ACYP2: variants seen among roughly 807,000 people sequenced by gnomAD.
ACYP2 encodes the protein acylphosphatase-2.
In ACYP2, 12 loss-of-function variants were observed where a neutral mutation model predicts 11.2. The ratio of observed to expected loss-of-function variants is 1.08; its 90% CI spans 0.69 to 1.74. The LOEUF is 1.74. ACYP2 is among the 40% of genes most tolerant of loss of function. The pLI, the probability that ACYP2 is intolerant of heterozygous loss-of-function variation, is 0.00. For synonymous variants in ACYP2, 43 were observed against 32.2 expected, an observed-to-expected ratio of 1.33 and a Z score of -1.13; for missense variants, 134 against 101.9, an observed-to-expected ratio of 1.31 and a Z score of -1.35.
chr2:54,298,313 G>A (rs558099681), intron 6 of ACYP2, among the ~76,000 whole-genome samples: 1 of 150,118 alleles, frequency 6.7e-6, no homozygotes, highest in African/African-American at 2.5e-5. Context: ...TTCATATAAG[G>A]CAATCACATA....
chr2:54,097,450 A>C (rs1231678968), intron 4 of ACYP2, among the ~76,000 whole-genome samples: 1 of 152,244 alleles, frequency 6.6e-6, no homozygotes, highest in Admixed American at 6.5e-5. Flanking sequence ...CTGTTCCCCA[A>C]ATCCTATCCC....
intron 6 of ACYP2, among the ~76,000 whole-genome samples, chr2:54,241,772 G>A (rs1166056360): frequency 6.6e-6 from 1 of 152,182 alleles, no homozygotes; most frequent in Non-Finnish European, 1.5e-5. Flanking sequence ...CAGCACTTTG[G>A]GAGGCCAAGG....
intron 4 of ACYP2, among the ~76,000 whole-genome samples, chr2:54,076,093 G>T (rs946661749): frequency 3.3e-5 from 5 of 152,170 alleles, no homozygotes; most frequent in Admixed American, 3.3e-4. Context: ...TTGTACACAA[G>T]TTGAACTCTC....
chr2:54,266,527 TATATAG>T (rs899375532), intron 6 of ACYP2, among the ~76,000 whole-genome samples: 11 of 144,322 alleles, frequency 7.6e-5, no homozygotes, highest in African/African-American at 2.3e-4. Flanking sequence ...GGTGCAGAAA[TATATAG>T]ATATAGATAT....
At chr2:54,166,584 G>A (rs1281284041) in intron 6 of ACYP2, among the ~76,000 whole-genome samples, 3 of 152,184 alleles carry the variant, frequency 2.0e-5, no homozygotes, top group Admixed American at 6.5e-5. Flanking sequence ...CACATCTCCA[G>A]TTTGGCTGAC....
intron 6 of ACYP2, among the ~76,000 whole-genome samples, chr2:54,231,424 A>C (rs1343821704): frequency 6.6e-6 from 1 of 152,210 alleles, no homozygotes; most frequent in Non-Finnish European, 1.5e-5. Context: ...AACATAAATT[A>C]TCTAAATTCA....
chr2:54,155,758 G>A (rs1682401649), intron 6 of ACYP2, among the ~76,000 whole-genome samples: 1 of 152,174 alleles, frequency 6.6e-6, no homozygotes, highest in Non-Finnish European at 1.5e-5. Context: ...GTTTTGGTAT[G>A]TGTTGTGTTT....
chr2:54,016,387 G>C (rs1048396300), intron 2 of ACYP2, among the ~76,000 whole-genome samples: 3 of 151,554 alleles, frequency 2.0e-5, no homozygotes, highest in East Asian at 1.9e-4. Flanking sequence ...GAAGAGGCTT[G>C]CTAATTTATA....
intron 2 of ACYP2, among the ~76,000 whole-genome samples, chr2:54,018,830 G>A (rs374880473): frequency 3.3e-5 from 5 of 151,772 alleles, no homozygotes; most frequent in Admixed American, 6.6e-5. Context: ...TCACTACAAC[G>A]TCCGCCTCCC....
intron 6 of ACYP2, among the ~76,000 whole-genome samples, chr2:54,227,076 A>C (rs1159349088): frequency 2.0e-5 from 3 of 152,176 alleles, no homozygotes; most frequent in Non-Finnish European, 4.4e-5. Flanking sequence ...ACAAATACTG[A>C]ATGTGAGTAA....
At chr2:54,095,759 C>T (rs1678516122) in intron 4 of ACYP2, among the ~76,000 whole-genome samples, 1 of 134,062 alleles carries the variant, frequency 7.5e-6, no homozygotes, top group Non-Finnish European at 1.6e-5. Context: ...CCCTCACCTC[C>T]CGGACGGGGC....
intron 6 of ACYP2, among the ~76,000 whole-genome samples, chr2:54,163,532 A>T (rs923395907): frequency 1.3e-5 from 2 of 152,222 alleles, no homozygotes; most frequent in Admixed American, 6.5e-5. Context: ...CAGACAAAAT[A>T]ATTTCAGACA....
intron 6 of ACYP2, among the ~76,000 whole-genome samples, chr2:54,279,093 A>G (rs843715): frequency 0.38 from 57,486 of 152,208 alleles, 12,551 homozygotes; most frequent in Non-Finnish European, 0.49. Flanking sequence ...CCACAACAAA[A>G]GTATATTTAA....
At chr2:54,283,106 C>A (rs1257565519) in intron 6 of ACYP2, among the ~76,000 whole-genome samples, 1 of 152,132 alleles carries the variant, frequency 6.6e-6, no homozygotes, top group African/African-American at 2.4e-5. Flanking sequence ...ATTTATGACA[C>A]ATTTTGGGCT....
intron 4 of ACYP2, among the ~76,000 whole-genome samples, chr2:54,079,705 A>G (rs1677542371): frequency 6.6e-6 from 1 of 152,216 alleles, no homozygotes; most frequent in Admixed American, 6.5e-5. Flanking sequence ...ACAGATCCAG[A>G]TTTAGGTTCG....
intron 4 of ACYP2, among the ~76,000 whole-genome samples, chr2:54,110,342 T>G (rs930702013): frequency 6.6e-6 from 1 of 152,200 alleles, no homozygotes; most frequent in African/African-American, 2.4e-5. Context: ...ATAAGGCCTT[T>G]AAAGAATATA....
chr2:54,183,916 A>G (rs1683860108), intron 6 of ACYP2, among the ~76,000 whole-genome samples: 1 of 152,240 alleles, frequency 6.6e-6, no homozygotes, highest in Non-Finnish European at 1.5e-5. Context: ...CACTTGGAGC[A>G]TGTTATAGCT....
At chr2:54,096,486 G>A (rs1678590039) in intron 4 of ACYP2, among the ~76,000 whole-genome samples, 1 of 152,054 alleles carries the variant, frequency 6.6e-6, no homozygotes, top group Non-Finnish European at 1.5e-5. Flanking sequence ...GCAGGCGGCT[G>A]GGAGGTGGAG....
In ACYP2 at chr2:54,135,459, G is replaced by T. The variant is rs1160116891; in HGVS notation, c.284G>T (p.Cys95Phe). The T allele has an allele frequency of 6.2e-7, 1 of 1,607,492 alleles. No homozygotes were observed. The highest frequency in any genetic ancestry group is 8.5e-7 in the Non-Finnish European group (1 of 1,176,846). ...TTATCTTTCTTTTATACAGGTGTTT[G>T]CTTCAGAATGGTAAGTCAGTACAAT... Residue 95 changes from cysteine (C) to phenylalanine (F), a missense_variant, in exon 5 of 7, where the codon TGC (cysteine) becomes TTC (phenylalanine). Cys to Phe is a radical substitution (Grantham distance 205). Transcript: ENST00000607452.
Sources: gnomAD v4.1 joint callset for allele counts (sites outside exome capture counted in the v4.1 genomes callset) on GRCh38, gnomAD v4.1.1 for gene constraint, MANE v1.5 for transcripts, NCBI Gene and HGNC (gene_info 2026-07-23, HGNC 2026-07-21) for gene names.